The following AGO1 variants were observed in gnomAD, a reference collection of about 807,000 sequenced individuals.
AGO1 encodes argonaute RISC component 1, also known as protein argonaute-1.
Under a neutral mutation model 109.2 loss-of-function variants are expected in AGO1, and 11 were observed. That is an observed-to-expected ratio of 0.10 (90% CI 0.06 to 0.17). AGO1 has a LOEUF of 0.17. Among genes scored for constraint, AGO1 ranks in the 10% least tolerant of loss-of-function variants. AGO1 has a pLI of 1.00. For synonymous variants in AGO1, 422 were observed against 418.6 expected, an observed-to-expected ratio of 1.01 and a Z score of -0.10; for missense variants, 574 against 1,140.3, an observed-to-expected ratio of 0.50 and a Z score of 7.15.
chr1:35,881,086 A>G (rs542749191), upstream of AGO1, among the ~76,000 whole-genome samples: 1 of 152,224 alleles, frequency 6.6e-6, no homozygotes, highest in Non-Finnish European at 1.5e-5. Flanking sequence ...TGTGCCTACT[A>G]TTACATGTCT....
At chr1:35,903,381 ATACAGTTAGTTGGT>A (rs557041104) in intron 11 of AGO1, among the ~76,000 whole-genome samples, 68 of 152,060 alleles carry the variant, frequency 4.5e-4, no homozygotes, top group African/African-American at 1.5e-3. Context: ...TAGATACAAC[ATACAGTTAGTTGGT>A]TACTGCCATC....
upstream of AGO1, among the ~76,000 whole-genome samples, chr1:35,878,522 A>G (rs1645010049): frequency 6.6e-6 from 1 of 152,144 alleles, no homozygotes; most frequent in Admixed American, 6.5e-5. Context: ...ACATCCTTGT[A>G]TCTTTGAATT....
Position 35,888,016 on chromosome 1 carries a change from G to A in AGO1, c.26-411G>A, listed in dbSNP as rs1645148582. 6.6e-6 allele frequency among the ~76,000 whole-genome samples: 1 copy of A among 152,288 alleles called. No individual in the cohort carries two copies. Among genetic ancestry groups the A allele is most frequent in the African/African-American group, 2.4e-5 (1 of 41,546 alleles). On this transcript the variant is annotated intron_variant, in intron 1 of 18. Coordinates refer to ENST00000373204, the MANE Select transcript of AGO1 (RefSeq NM_012199.5). The surrounding 1 kb of genome is among the most constrained non-coding windows in gnomAD (Gnocchi z 4.1). ...ATGCCATTTTGTATTCAGCATGGTG[G>A]CGAATGGAGTGAGCATCTGGCTGGC... is the stretch of plus-strand genomic sequence containing the variant.
chr1:35,899,988 C>A (rs955694052), intron 8 of AGO1, among the ~76,000 whole-genome samples: 10 of 152,194 alleles, frequency 6.6e-5, no homozygotes, highest in African/African-American at 2.2e-4. Flanking sequence ...ATTCTAGAAG[C>A]CTTTCTGTTC....
intron 1 of AGO1, among the ~76,000 whole-genome samples, chr1:35,884,094 C>T (rs1050691996): frequency 6.6e-6 from 1 of 152,078 alleles, no homozygotes; most frequent in African/African-American, 2.4e-5. Context: ...TCCACACCCC[C>T]CCGCCCCGCC....
rs575591328 is a variant in AGO1, at chr1:35,915,464, A to G, written c.1950A>G (p.Gln650=). ...ACATGGTGCGTGAGCTCCTCATCCA[A>G]TTCTACAAGTCCACCCGTTTCAAGC... ...LSYMVRELLI[Q]FYKSTRFKPT... Residue 650 remains glutamine, a synonymous_variant, in exon 15 of 19, where the codon CAA becomes CAG. Coordinates refer to ENST00000373204, the MANE Select transcript of AGO1 (RefSeq NM_012199.5). 19 of 1,614,058 alleles carry G rather than the reference A, an allele frequency of 1.2e-5. 1 individual carries two copies. The highest frequency in any genetic ancestry group is 8.0e-5 in the African/African-American group (6 of 75,018).
intron 1 of AGO1, among the ~76,000 whole-genome samples, chr1:35,874,871 G>A (rs1467046487): frequency 2.0e-5 from 3 of 152,162 alleles, no homozygotes; most frequent in Non-Finnish European, 4.4e-5. Context: ...AAGATCAAAC[G>A]AGCCATAACA....
Position 35,902,219 on chromosome 1 carries a change from A to G in AGO1, c.1279A>G (p.Thr427Ala). Residue 427 changes from threonine (T) to alanine (A), a missense_variant, in exon 11 of 19, where the codon ACA becomes GCA. Physicochemically the swap from Thr to Ala is moderately conservative, Grantham distance 58 (BLOSUM62 0). This residue lies in a region of AGO1 where 106 missense variants were observed against 147.8 expected (regional missense o/e 0.72). Coordinates refer to ENST00000373204, the MANE Select transcript of AGO1 (RefSeq NM_012199.5). ...QYGGRNRAIA[T>A]PNQGVWDMRG... ...CTATCCCCAGAACCGGGCCATTGCC[A>G]CACCCAATCAGGGTGTCTGGGACAT... 1 of 1,613,906 alleles carries G rather than the reference A, an allele frequency of 6.2e-7. No individual in the cohort carries two copies. Among genetic ancestry groups the G allele is most frequent in the Non-Finnish European group, 8.5e-7 (1 of 1,179,910 alleles).
chr1:35,907,162 C>T (rs772712681), intron 12 of AGO1, 43 bp downstream of exon 12: 1 of 1,551,476 alleles, frequency 6.4e-7, no homozygotes, highest in Non-Finnish European at 8.7e-7. Flanking sequence ...TAGGACTCTT[C>T]TCAGCGTAGT....
At chr1:35,891,193 A>G (rs938500287) in intron 2 of AGO1, among the ~76,000 whole-genome samples, 20 of 152,248 alleles carry the variant, frequency 1.3e-4, no homozygotes, top group African/African-American at 3.1e-4. Flanking sequence ...GATTGAAACC[A>G]TATGATCACA....
intron 2 of AGO1, among the ~76,000 whole-genome samples, chr1:35,889,597 G>A (rs1645180549): frequency 6.6e-6 from 1 of 152,104 alleles, no homozygotes; most frequent in South Asian, 2.1e-4. Context: ...AAGAATAATA[G>A]TGAAAAATGT....
chr1:35,872,811 G>A (rs1246857071), intron 1 of AGO1, among the ~76,000 whole-genome samples: 1 of 152,012 alleles, frequency 6.6e-6, no homozygotes, highest in African/African-American at 2.4e-5. Flanking sequence ...GGCCTCAAGC[G>A]ATTCTCCCAC....
chr1:35,903,302 G>A (rs1010618721), intron 11 of AGO1, among the ~76,000 whole-genome samples: 3 of 137,778 alleles, frequency 2.2e-5, no homozygotes, highest in East Asian at 3.4e-4. Context: ...CACTGTGCCC[G>A]GCCTTTTTTT....
chr1:35,885,432 G>C (rs1204735507), intron 1 of AGO1, among the ~76,000 whole-genome samples: 1 of 152,160 alleles, frequency 6.6e-6, no homozygotes, highest in African/African-American at 2.4e-5. Context: ...CAAAGCCTTG[G>C]GAAAAGCCGA....
Position 35,913,931 on chromosome 1 carries a change from C to T in AGO1, c.1672C>T (p.Leu558=), listed in dbSNP as rs1343928483. Reference sequence around the variant, plus strand: ...CGTGGTCAAGACCTCACCTCAGACTCTGTCCAACCTCTGCCTCAAGATCAA... The same window carrying T: ...CGTGGTCAAGACCTCACCTCAGACTTTGTCCAACCTCTGCCTCAAGATCAA... ...KNVVKTSPQT[L]SNLCLKINVK... The change falls in exon 13 of 19, where the codon CTG becomes TTG. Residue 558 remains leucine, a synonymous_variant. Coordinates refer to ENST00000373204, the MANE Select transcript of AGO1 (RefSeq NM_012199.5). 4 of 1,614,044 alleles carry T rather than the reference C, an allele frequency of 2.5e-6. No individual in the cohort carries two copies. The highest frequency in any genetic ancestry group is 1.6e-4 in the Middle Eastern group (1 of 6,084).
At chr1:35,917,945 A>G (rs1273318650) in intron 16 of AGO1, among the ~76,000 whole-genome samples, 1 of 151,548 alleles carries the variant, frequency 6.6e-6, no homozygotes, top group Non-Finnish European at 1.5e-5. Flanking sequence ...CCCTCCTCCT[A>G]GCTCCCTGGC....
intron 12 of AGO1, among the ~76,000 whole-genome samples, chr1:35,909,523 C>T (rs1480622373): frequency 6.6e-6 from 1 of 152,186 alleles, no homozygotes; most frequent in Non-Finnish European, 1.5e-5. Context: ...GTATCTGCAT[C>T]CTCTTCTTCT....
chr1:35,917,855 C>A, intron 16 of AGO1, 128 bp downstream of exon 16: 1 of 1,326,482 alleles, frequency 7.5e-7, no homozygotes, highest in Non-Finnish European at 1.0e-6. Context: ...CCCTTCCCTC[C>A]TCCTAGCTCT....
chr1:35,890,971 A>G (rs1645207123), intron 2 of AGO1, among the ~76,000 whole-genome samples: 2 of 152,178 alleles, frequency 1.3e-5, no homozygotes, highest in South Asian at 4.1e-4. Context: ...ACATATAAAT[A>G]TGTTTGTGTA....
Sources: allele counts gnomAD v4.1 joint callset (sites outside exome capture counted in the v4.1 genomes callset), GRCh38; gene constraint gnomAD v4.1.1; regional missense constraint gnomAD v4.1.1; non-coding constraint Gnocchi (gnomAD v3.1); transcripts MANE v1.5; gene names NCBI Gene and HGNC (gene_info 2026-07-23, HGNC 2026-07-21).